MMP16: variants seen among roughly 807,000 people sequenced by gnomAD.
The protein encoded by MMP16 is matrix metalloproteinase-16.
Under a neutral mutation model 67.8 loss-of-function variants are expected in MMP16, and 12 were observed. That is an observed-to-expected ratio of 0.18 (90% CI 0.11 to 0.29). The LOEUF (loss-of-function observed/expected upper bound fraction) is 0.29, where lower values mean the gene tolerates loss of function less well. Among genes scored for constraint, MMP16 ranks in the 10% least tolerant of loss-of-function variants. The pLI, the probability that MMP16 is intolerant of heterozygous loss-of-function variation, is 1.00. For synonymous variants in MMP16, 249 were observed against 255.9 expected, an observed-to-expected ratio of 0.97 and a Z score of 0.26; for missense variants, 475 against 765.7, an observed-to-expected ratio of 0.62 and a Z score of 4.48.
chr8:88,129,971 G>T (rs1586166021), intron 4 of MMP16, among the ~76,000 whole-genome samples: 1 of 151,582 alleles, frequency 6.6e-6, no homozygotes, highest in Non-Finnish European at 1.5e-5. Context: ...TTCTGACAAA[G>T]AGTTATTTAT....
At chr8:88,300,615 A>G (rs1811082489) in intron 1 of MMP16, among the ~76,000 whole-genome samples, 2 of 152,206 alleles carry the variant, frequency 1.3e-5, no homozygotes, top group South Asian at 2.1e-4. Context: ...TTCATTGTGC[A>G]TATTTTATAA....
rs773002642 is a variant in MMP16, at chr8:88,056,107, TC to T, written c.1373+20del. The T allele has an allele frequency of 7.0e-7, 1 of 1,433,286 alleles. No individual in the cohort carries two copies. The highest frequency in any genetic ancestry group is 9.2e-7 in the Non-Finnish European group (1 of 1,081,416). The allele number at this position is 1,433,286 out of a possible 1,614,324, so 88.8% of individuals were successfully genotyped here. ...AACATTGGTTAATTAACTGTTTTTC[TC>T]ATGAGAAGTGTATACTGACCTGTCT... On this transcript the variant is annotated intron_variant, in intron 8 of 9. Coordinates refer to ENST00000286614, the MANE Select transcript of MMP16 (RefSeq NM_005941.5).
chr8:88,128,043 GA>G (rs1807963099), intron 4 of MMP16, among the ~76,000 whole-genome samples: 1 of 151,836 alleles, frequency 6.6e-6, no homozygotes, highest in Non-Finnish European at 1.5e-5. Flanking sequence ...CACAGAACTG[GA>G]AAAGGTATGG....
chr8:88,316,361 A>C (rs1158079366), intron 1 of MMP16, among the ~76,000 whole-genome samples: 1 of 152,172 alleles, frequency 6.6e-6, no homozygotes, highest in East Asian at 1.9e-4. Flanking sequence ...TCAGAGCTTC[A>C]AAGGACAGAC....
intron 4 of MMP16, among the ~76,000 whole-genome samples, chr8:88,122,100 C>T (rs1807849966): frequency 6.6e-6 from 1 of 152,022 alleles, no homozygotes; most frequent in African/African-American, 2.4e-5. Context: ...TTTCTCATTG[C>T]ACTGCTTACA....
intron 1 of MMP16, among the ~76,000 whole-genome samples, chr8:88,223,765 C>T (rs547979171): frequency 1.3e-5 from 2 of 151,310 alleles, no homozygotes; most frequent in Admixed American, 1.3e-4. Context: ...GGGTGCAGCA[C>T]ACCAACATGG....
chr8:88,157,523 C>T (rs561014022), intron 4 of MMP16, among the ~76,000 whole-genome samples: 2 of 151,718 alleles, frequency 1.3e-5, no homozygotes, highest in Middle Eastern at 3.4e-3. Flanking sequence ...GAGGCAACTT[C>T]CGAAGTCATG....
At chr8:88,063,886 T>C (rs1808432415) in intron 7 of MMP16, among the ~76,000 whole-genome samples, 1 of 152,132 alleles carries the variant, frequency 6.6e-6, no homozygotes, top group African/African-American at 2.4e-5. Context: ...TAACCCACTG[T>C]ATTCGGCTCA....
chr8:88,081,452 C>T (rs879786039), intron 6 of MMP16, among the ~76,000 whole-genome samples: 6 of 152,064 alleles, frequency 3.9e-5, no homozygotes, highest in Non-Finnish European at 7.3e-5. Flanking sequence ...AATTACTGCA[C>T]TTATTGAAAT....
chr8:88,088,073 T>A (rs1452491504), intron 6 of MMP16, among the ~76,000 whole-genome samples: 1 of 99,136 alleles, frequency 1.0e-5, no homozygotes, highest in Non-Finnish European at 1.9e-5. Flanking sequence ...ATAATAGATA[T>A]CTATATATCT....
At chr8:88,093,067 G>A (rs1808965193) in intron 6 of MMP16, among the ~76,000 whole-genome samples, 1 of 151,782 alleles carries the variant, frequency 6.6e-6, no homozygotes, top group South Asian at 2.1e-4. Context: ...ACTGTTTATT[G>A]TTTAAGAAAA....
Position 88,159,608 on chromosome 8 carries a change from T to C in MMP16, c.709+8061A>G, listed in dbSNP as rs371939309. On this transcript the variant is annotated intron_variant, in intron 4 of 9. Coordinates refer to ENST00000286614, the MANE Select transcript of MMP16 (RefSeq NM_005941.5). ...ACAATTTGACTTCCTCTTTTCCTAA[T>C]TGAATACCCTTTATTTCTTTCTCCT... Among the ~76,000 whole-genome samples the C allele has an allele frequency of 1.1e-4, 17 of 152,296 alleles. No individual in the cohort carries two copies. The East Asian group carries it at 2.9e-3, about 26-fold the overall frequency.
chr8:88,197,605 A>C (rs888294941), intron 1 of MMP16, among the ~76,000 whole-genome samples: 2 of 152,182 alleles, frequency 1.3e-5, no homozygotes, highest in African/African-American at 4.8e-5. Context: ...ATAAAAACTT[A>C]AGTAAGATTA....
chr8:88,208,173 G>A (rs1439541626), intron 1 of MMP16, among the ~76,000 whole-genome samples: 1 of 36,486 alleles, frequency 2.7e-5, no homozygotes, highest in East Asian at 1.1e-3. Context: ...ACATTCATGA[G>A]TAAGGAAGAG....
At chr8:88,316,239 T>C (rs957140286) in intron 1 of MMP16, among the ~76,000 whole-genome samples, 1 of 152,186 alleles carries the variant, frequency 6.6e-6, no homozygotes, top group Non-Finnish European at 1.5e-5. Context: ...AAATAATCGA[T>C]GTAGGTGGGT....
At chr8:88,289,144 A>C (rs1165194781) in intron 1 of MMP16, among the ~76,000 whole-genome samples, 1 of 152,172 alleles carries the variant, frequency 6.6e-6, no homozygotes, top group Non-Finnish European at 1.5e-5. Flanking sequence ...AGAGAGAGAG[A>C]GAGAGACAGA....
chr8:88,144,339 G>T (rs920898176), intron 4 of MMP16, among the ~76,000 whole-genome samples: 1 of 151,694 alleles, frequency 6.6e-6, no homozygotes, highest in Non-Finnish European at 1.5e-5. Flanking sequence ...CAAAAAGAAA[G>T]TTCTAACAAA....
At position 88,056,157 on chromosome 8, in the gene MMP16, G is replaced by A. The variant is rs28991901; in HGVS notation, c.1344C>T (p.Val448=). 8.7e-4 allele frequency: 1,382 copies of A among 1,588,730 alleles called. 13 individuals are homozygous for A. The African/African-American group carries it at 0.016, about 19-fold the overall frequency. ...CTCCCTTGAAGAAATAGGTTTTCCC[G>A]ACGTCCTCCCACCAAATGGCTGAAT... ...GIDSAIWWED[V]GKTYFFKGDR... The change falls in exon 8 of 10, where the codon GTC becomes GTT. Residue 448 remains valine (V), a synonymous_variant. Transcript: ENST00000286614.
chr8:88,292,620 A>G (rs1236066462), intron 1 of MMP16, among the ~76,000 whole-genome samples: 2 of 152,204 alleles, frequency 1.3e-5, no homozygotes, highest in African/African-American at 4.8e-5. Context: ...TGAGATAACG[A>G]TCACTTTCTG....
Sources: allele counts gnomAD v4.1 joint callset (sites outside exome capture counted in the v4.1 genomes callset), GRCh38; gene constraint gnomAD v4.1.1; transcripts MANE v1.5; gene names NCBI Gene and HGNC (gene_info 2026-07-23, HGNC 2026-07-21).